SPSB4: variants seen among roughly 807,000 people sequenced by gnomAD.
The protein encoded by SPSB4 is SPRY domain-containing SOCS box protein 4.
SPSB4 carries 21 observed loss-of-function variants against 20.9 expected under a neutral mutation model. The ratio of observed to expected loss-of-function variants is 1.01; its 90% CI spans 0.71 to 1.45. The LOEUF is 1.45. Among genes scored for constraint, SPSB4 ranks in the 40% most tolerant of loss-of-function variants. The pLI is 0.00. For synonymous variants in SPSB4, 207 were observed against 183.8 expected, an observed-to-expected ratio of 1.13 and a Z score of -1.02; for missense variants, 399 against 399.2, an observed-to-expected ratio of 1.00 and a Z score of 0.00.
chr3:141,147,075 G>A, intron 2 of SPSB4, 67 bp from the exon 3 acceptor site: 1 of 1,596,524 alleles, frequency 6.3e-7, no homozygotes, highest in Non-Finnish European at 8.6e-7. Flanking sequence ...GGTATGCAGT[G>A]GGGGCTGGGA....
intron 2 of SPSB4, among the ~76,000 whole-genome samples, chr3:141,081,650 G>A (rs1049712558): frequency 6.6e-5 from 10 of 151,780 alleles, no homozygotes; most frequent in Admixed American, 6.0e-4. Context: ...AGCTCTGCGG[G>A]GGGAGGGGCA....
intron 2 of SPSB4, among the ~76,000 whole-genome samples, chr3:141,095,491 T>C (rs1027218616): frequency 1.3e-5 from 2 of 152,002 alleles, no homozygotes; most frequent in Non-Finnish European, 2.9e-5. Context: ...GGACTTGGTG[T>C]TGTCAAAAGT....
At chr3:141,108,621 G>A (rs1938737580) in intron 2 of SPSB4, among the ~76,000 whole-genome samples, 1 of 152,226 alleles carries the variant, frequency 6.6e-6, no homozygotes, top group African/African-American at 2.4e-5. Flanking sequence ...CCGAGGCCAT[G>A]CCTCAAAGAG....
At chr3:141,072,780 A>G (rs1227241083) in intron 2 of SPSB4, among the ~76,000 whole-genome samples, 2 of 152,232 alleles carry the variant, frequency 1.3e-5, no homozygotes, top group Non-Finnish European at 1.5e-5. Flanking sequence ...CAAAGGGCGT[A>G]TGGTGAAATA....
At chr3:141,111,825 G>A (rs993481420) in intron 2 of SPSB4, among the ~76,000 whole-genome samples, 2 of 152,064 alleles carry the variant, frequency 1.3e-5, no homozygotes, top group Admixed American at 6.5e-5. Flanking sequence ...CCCTTCCATC[G>A]GGCAAGAGTC....
chr3:141,078,969 A>G (rs1010993625), intron 2 of SPSB4, among the ~76,000 whole-genome samples: 2 of 152,188 alleles, frequency 1.3e-5, no homozygotes, highest in African/African-American at 4.8e-5. Flanking sequence ...TAGGATGAAA[A>G]GCACATTTGG....
At chr3:141,054,053 T>G (rs1936140459) in intron 1 of SPSB4, among the ~76,000 whole-genome samples, 1 of 152,228 alleles carries the variant, frequency 6.6e-6, no homozygotes, top group South Asian at 2.1e-4. Context: ...TCCTCATCAT[T>G]TACGTAGAAC....
intron 2 of SPSB4, among the ~76,000 whole-genome samples, chr3:141,101,767 C>T (rs1938615661): frequency 2.6e-5 from 4 of 152,202 alleles, no homozygotes; most frequent in Admixed American, 1.3e-4. Context: ...AAACAACTGA[C>T]AGCACACTAA....
chr3:141,147,087 G>A, intron 2 of SPSB4, 55 bp from the exon 3 acceptor site: 2 of 1,604,008 alleles, frequency 1.2e-6, no homozygotes, highest in Non-Finnish European at 1.7e-6. Context: ...GGGCTGGGAT[G>A]AGAAGGTGCC....
At chr3:141,083,793 TGTGGGG>T (rs1938286403) in intron 2 of SPSB4, among the ~76,000 whole-genome samples, 1 of 152,138 alleles carries the variant, frequency 6.6e-6, no homozygotes, top group Admixed American at 6.5e-5. Context: ...GAAGGGGGTC[TGTGGGG>T]TCTTTATAAG....
chr3:141,138,533 T>C (rs537589959), intron 2 of SPSB4, among the ~76,000 whole-genome samples: 2 of 152,372 alleles, frequency 1.3e-5, no homozygotes, highest in Admixed American at 1.3e-4. Flanking sequence ...TGATATGTTG[T>C]GTCTTTGTTC....
chr3:141,147,014 A>G, intron 2 of SPSB4, 128 bp from the exon 3 acceptor site: 1 of 1,277,902 alleles, frequency 7.8e-7, no homozygotes, highest in Non-Finnish European at 1.1e-6. Context: ...AATCTTCTCC[A>G]AGGAGAAGCC....
At chr3:141,080,138 G>T (rs372077814) in intron 2 of SPSB4, among the ~76,000 whole-genome samples, 1 of 152,302 alleles carries the variant, frequency 6.6e-6, no homozygotes, top group African/African-American at 2.4e-5. Context: ...GGTCAGGGTG[G>T]CCTTTGGTTG....
chr3:141,055,613 G>A (rs568586912), intron 1 of SPSB4, among the ~76,000 whole-genome samples: 2 of 152,342 alleles, frequency 1.3e-5, no homozygotes, highest in South Asian at 4.1e-4. Context: ...GACCAGTGGA[G>A]TAATCCAGGC....
At chr3:141,105,597 C>A (rs1938675119) in intron 2 of SPSB4, among the ~76,000 whole-genome samples, 1 of 152,124 alleles carries the variant, frequency 6.6e-6, no homozygotes, top group Admixed American at 6.5e-5. Context: ...CATTTGAGCT[C>A]AAAGAGAAGT....
At chr3:141,066,876 T>G (rs1259239891) in intron 2 of SPSB4, 78 bp downstream of exon 2, 2 of 1,383,152 alleles carry the variant, frequency 1.4e-6, no homozygotes, top group Non-Finnish European at 1.9e-6. Context: ...CACACCTCCA[T>G]CGCCACTTGG....
intron 2 of SPSB4, among the ~76,000 whole-genome samples, chr3:141,091,285 C>T (rs1189161645): frequency 1.3e-5 from 2 of 152,212 alleles, no homozygotes; most frequent in African/African-American, 2.4e-5. Context: ...AACCAAGGCT[C>T]AGTTTCTGCT....
intron 2 of SPSB4, among the ~76,000 whole-genome samples, chr3:141,139,916 T>C (rs1035254392): frequency 2.0e-5 from 3 of 152,208 alleles, no homozygotes; most frequent in Non-Finnish European, 4.4e-5. Flanking sequence ...CTGGATAATA[T>C]CCTGCAGAGT....
intron 2 of SPSB4, among the ~76,000 whole-genome samples, chr3:141,092,233 T>G (rs1436918880): frequency 6.6e-6 from 1 of 152,210 alleles, no homozygotes; most frequent in East Asian, 1.9e-4. Context: ...GGGTAATCCT[T>G]GCTTCTCAGC....
Sources: allele counts gnomAD v4.1 joint callset (sites outside exome capture counted in the v4.1 genomes callset), GRCh38; gene constraint gnomAD v4.1.1; transcripts MANE v1.5; gene names NCBI Gene and HGNC (gene_info 2026-07-23, HGNC 2026-07-21).